EIF4G3: variants seen among roughly 807,000 people sequenced by gnomAD.
EIF4G3 encodes the protein eIF-4-gamma 3.
A neutral mutation model predicts 186.4 loss-of-function variants in EIF4G3; 34 were observed. That is an observed-to-expected ratio of 0.18 (90% CI 0.14 to 0.24). The LOEUF (loss-of-function observed/expected upper bound fraction) is 0.24. EIF4G3 is among the 10% of genes least tolerant of loss of function. EIF4G3 has a pLI of 1.00. For missense variants in EIF4G3, 1,536 were observed against 1,948.5 expected, an observed-to-expected ratio of 0.79 and a Z score of 3.99; for synonymous variants, 673 against 679.5, an observed-to-expected ratio of 0.99 and a Z score of 0.15.
At chr1:20,823,941 T>A (rs535111107) in intron 33 of EIF4G3, among the ~76,000 whole-genome samples, 20 of 152,366 alleles carry the variant, frequency 1.3e-4, no homozygotes, top group South Asian at 8.3e-4. Context: ...GTTGAGGATG[T>A]TTCTCCAAAG....
chr1:21,002,355 T>A (rs1451310705), intron 5 of EIF4G3, among the ~76,000 whole-genome samples: 3 of 152,204 alleles, frequency 2.0e-5, no homozygotes, highest in Admixed American at 6.5e-5. Context: ...AATTTACTCC[T>A]AAAATCATTG....
intron 2 of EIF4G3, among the ~76,000 whole-genome samples, chr1:21,152,920 G>C (rs971137922): frequency 6.6e-6 from 1 of 152,170 alleles, no homozygotes; most frequent in Admixed American, 6.5e-5. Context: ...CCAGGAGTTC[G>C]AGGCTACAGT....
rs565947890 is a variant in EIF4G3 at position 20,952,275 on chromosome 1, C to T, written c.715-2164G>A. Among the ~76,000 whole-genome samples, 36 of 151,808 alleles carry T rather than the reference C, an allele frequency of 2.4e-4. No individual in the cohort carries two copies. In the South Asian group the frequency reaches 7.5e-3, roughly 32 times the overall value. ...GTTCAAGTGATTCCCCTGCCTCAGC[C>T]TCCTGAGTAGCTGGGGCTACAGGTG... On this transcript the variant is annotated intron_variant, in intron 12 of 36. Transcript: ENST00000602326.
At chr1:21,133,415 C>T (rs2102539168) in intron 2 of EIF4G3, among the ~76,000 whole-genome samples, 1 of 152,028 alleles carries the variant, frequency 6.6e-6, no homozygotes, top group South Asian at 2.1e-4. Context: ...TTAGTAAAGA[C>T]AGGGTTTCAC....
chr1:20,961,389 T>A (rs1049992478), intron 12 of EIF4G3, among the ~76,000 whole-genome samples: 9 of 151,998 alleles, frequency 5.9e-5, no homozygotes, highest in Non-Finnish European at 8.8e-5. Flanking sequence ...CTCAAAAAAA[T>A]AATAATAATA....
chr1:20,997,647 G>C lies in EIF4G3; in HGVS notation c.145-14C>G, dbSNP rs1450247669. 6.5e-7 allele frequency: 1 copy of C among 1,533,414 alleles called. No homozygotes were observed. 95.0% of individuals were successfully genotyped at this position (1,533,414 alleles called of 1,614,324 possible). ...CCCCGCTGCAAACTGAGAAAAGGAG[G>C]GAAAACAAACACAAAAGGAAAGGCA... On this transcript the variant is annotated splice_polypyrimidine_tract_variant and intron_variant, in intron 6 of 36. Transcript: ENST00000602326.
At position 20,887,670 on chromosome 1, in the gene EIF4G3, G is replaced by C. The variant is rs116571917; in HGVS notation, c.2254-1299C>G. ...AAACATTAAAAAAAAAAAACAAACAGGTCAGATAAACCCAGAGGTATGAGA... is the reference window on the plus strand; with the variant it reads ...AAACATTAAAAAAAAAAAACAAACACGTCAGATAAACCCAGAGGTATGAGA... On this transcript the variant is annotated intron_variant, in intron 18 of 36. Transcript: ENST00000602326. 4.0e-3 allele frequency among the ~76,000 whole-genome samples: 599 copies of C among 150,724 alleles called. 6 individuals carry two copies. Among genetic ancestry groups the C allele is most frequent in the African/African-American group, 0.014 (561 of 41,052 alleles).
intron 22 of EIF4G3, among the ~76,000 whole-genome samples, chr1:20,863,676 T>G (rs6697488): frequency 0.52 from 78,745 of 151,098 alleles, 21,233 homozygotes; most frequent in East Asian, 0.83. Flanking sequence ...ACTCCTGACC[T>G]CAGGTGATCT....
chr1:20,972,910 G>T, intron 11 of EIF4G3, 92 bp downstream of exon 11: 2 of 982,022 alleles, frequency 2.0e-6, no homozygotes, highest in Non-Finnish European at 2.9e-6. Flanking sequence ...ACAGTAATTT[G>T]TGAATTGAGA....
chr1:20,927,357 A>G (rs556733037), intron 14 of EIF4G3, among the ~76,000 whole-genome samples: 1 of 152,352 alleles, frequency 6.6e-6, no homozygotes, highest in East Asian at 1.9e-4. Context: ...AAATAATGAT[A>G]GTTTCAAGGC....
intron 6 of EIF4G3, chr1:20,999,733 G>A (rs2083088100): frequency 4.4e-6 from 2 of 454,574 alleles, no homozygotes; most frequent in East Asian, 1.4e-4. Flanking sequence ...TGGCTATTGA[G>A]TTTTTCATTT....
intron 13 of EIF4G3, among the ~76,000 whole-genome samples, chr1:20,948,991 A>G (rs997570794): frequency 6.6e-6 from 1 of 150,832 alleles, no homozygotes; most frequent in Non-Finnish European, 1.5e-5. Flanking sequence ...AAAAAAAAAA[A>G]GAATAATTTT....
chr1:21,107,175 G>T (rs1016834857), intron 2 of EIF4G3, among the ~76,000 whole-genome samples: 3 of 151,984 alleles, frequency 2.0e-5, no homozygotes, highest in Non-Finnish European at 4.4e-5. Flanking sequence ...TCCAATTTTT[G>T]ATTTTATTAT....
intron 4 of EIF4G3, among the ~76,000 whole-genome samples, chr1:21,018,724 G>A (rs1445110521): frequency 6.6e-6 from 1 of 152,098 alleles, no homozygotes; most frequent in Non-Finnish European, 1.5e-5. Flanking sequence ...TTGCTGGAGT[G>A]AGTTCTCACT....
At chr1:21,051,747 T>C (rs1029078851) in intron 3 of EIF4G3, among the ~76,000 whole-genome samples, 17 of 152,172 alleles carry the variant, frequency 1.1e-4, no homozygotes, top group African/African-American at 3.6e-4. Flanking sequence ...CCTGTAGAAA[T>C]AGTTACTTGG....
At chr1:21,035,881 C>A (rs1236051039) in intron 4 of EIF4G3, among the ~76,000 whole-genome samples, 1 of 152,108 alleles carries the variant, frequency 6.6e-6, no homozygotes, top group Non-Finnish European at 1.5e-5. Context: ...TCTGGGCTGC[C>A]CACGGACCAA....
At chr1:20,960,515 G>C (rs1345905707) in intron 12 of EIF4G3, among the ~76,000 whole-genome samples, 1 of 152,092 alleles carries the variant, frequency 6.6e-6, no homozygotes, top group Non-Finnish European at 1.5e-5. Context: ...AATCTGGGAG[G>C]CTGAGGCAGG....
At chr1:21,029,553 T>G (rs909302506) in intron 4 of EIF4G3, among the ~76,000 whole-genome samples, 1 of 151,968 alleles carries the variant, frequency 6.6e-6, no homozygotes, top group Non-Finnish European at 1.5e-5. Flanking sequence ...AAGGATCACT[T>G]GAAGCCAGGA....
chr1:21,044,531 T>C (rs2093762925), intron 4 of EIF4G3, among the ~76,000 whole-genome samples: 1 of 152,058 alleles, frequency 6.6e-6, no homozygotes, highest in Admixed American at 6.6e-5. Context: ...TACTTTATCA[T>C]GGTTAACAAG....
Sources: gnomAD v4.1 joint callset for allele counts (sites outside exome capture counted in the v4.1 genomes callset) on GRCh38, gnomAD v4.1.1 for gene constraint, MANE v1.5 for transcripts, NCBI Gene and HGNC (gene_info 2026-07-23, HGNC 2026-07-21) for gene names.